Variants in ZNF609 observed in about 807,000 individuals in gnomAD.
The protein encoded by ZNF609 is zinc finger protein 609.
A neutral mutation model predicts 109.5 loss-of-function variants in ZNF609; 11 were observed. That is an observed-to-expected ratio of 0.10 (90% confidence interval 0.06 to 0.17). The LOEUF (loss-of-function observed/expected upper bound fraction) is 0.17, where lower values mean the gene tolerates loss of function less well. ZNF609 is among the 10% of genes least tolerant of loss of function. ZNF609 has a pLI of 1.00. For synonymous variants in ZNF609, 646 were observed against 662.0 expected (o/e 0.98, Z 0.37); for missense variants, 1,559 against 1,772.4 (o/e 0.88, Z 2.16).
chr15:64,583,537 A>G (rs891761826), intron 2 of ZNF609, among the ~76,000 whole-genome samples: 3 of 152,000 alleles, frequency 2.0e-5, no homozygotes, highest in Non-Finnish European at 4.4e-5. Context: ...GTCTTAGGCA[A>G]GTCATTTTTC....
intron 2 of ZNF609, among the ~76,000 whole-genome samples, chr15:64,552,695 G>C (rs1384454579): frequency 6.6e-6 from 1 of 152,038 alleles, no homozygotes; most frequent in Admixed American, 6.6e-5. Flanking sequence ...TGTGGCTCAG[G>C]CTGGAGTGCA....
At chr15:64,629,479 C>A (rs1896029578) in intron 3 of ZNF609, among the ~76,000 whole-genome samples, 1 of 152,174 alleles carries the variant, frequency 6.6e-6, no homozygotes, top group African/African-American at 2.4e-5. Flanking sequence ...ATCACTGTTT[C>A]AGGCTCCTTA....
intron 2 of ZNF609, among the ~76,000 whole-genome samples, chr15:64,553,271 A>C (rs1229517913): frequency 0.017 from 1,625 of 98,168 alleles, 24 homozygotes; most frequent in African/African-American, 0.061. Context: ...CCATGCCTTA[A>C]AAAAAAAAAA....
chr15:64,638,017 A>ATATATATATAT (rs1567036319), intron 3 of ZNF609, among the ~76,000 whole-genome samples: 9 of 88,232 alleles, frequency 1.0e-4, no homozygotes, highest in Non-Finnish European at 2.6e-5. Context: ...TATATATATA[A>ATATATATATAT]AATATATATA....
intron 2 of ZNF609, among the ~76,000 whole-genome samples, chr15:64,525,092 T>A (rs1367071514): frequency 6.6e-6 from 1 of 152,266 alleles, no homozygotes; most frequent in Non-Finnish European, 1.5e-5. Context: ...TCTTTTCATG[T>A]GCTTATGTGC....
At chr15:64,633,138 C>A (rs1014857926) in intron 3 of ZNF609, among the ~76,000 whole-genome samples, 6 of 148,670 alleles carry the variant, frequency 4.0e-5, no homozygotes, top group Admixed American at 6.7e-5. Flanking sequence ...AGAAGTGACA[C>A]GTTTTGTTTT....
At chr15:64,506,307 G>A (rs981954053) in intron 2 of ZNF609, among the ~76,000 whole-genome samples, 2 of 151,218 alleles carry the variant, frequency 1.3e-5, no homozygotes, top group African/African-American at 4.8e-5. Flanking sequence ...ATTTTTAGTA[G>A]AGACAGGGTT....
At chr15:64,493,681 A>T (rs1295422453) in intron 1 of ZNF609, among the ~76,000 whole-genome samples, 1 of 152,226 alleles carries the variant, frequency 6.6e-6, no homozygotes, top group Non-Finnish European at 1.5e-5. Flanking sequence ...ACTTAGGCAG[A>T]AGGAGAGAAA....
intron 2 of ZNF609, chr15:64,529,055 T>G (rs1413467095): frequency 7.6e-7 from 1 of 1,309,114 alleles, no homozygotes; most frequent in Non-Finnish European, 1.1e-6. Flanking sequence ...GAGACAGGGA[T>G]GATGTCCTGG....
chr15:64,521,309 C>T (rs1415873334), intron 2 of ZNF609, among the ~76,000 whole-genome samples: 1 of 152,180 alleles, frequency 6.6e-6, no homozygotes, highest in Non-Finnish European at 1.5e-5. Flanking sequence ...CTCATCCTGG[C>T]TCCAGAGTTG....
At chr15:64,584,732 G>T (rs1318808931) in intron 2 of ZNF609, among the ~76,000 whole-genome samples, 1 of 151,786 alleles carries the variant, frequency 6.6e-6, no homozygotes, top group African/African-American at 2.4e-5. Flanking sequence ...AAGTTCAAGT[G>T]ATTCTCCTGC....
chr15:64,607,576 C>T (rs1895624349), intron 2 of ZNF609, among the ~76,000 whole-genome samples: 1 of 147,226 alleles, frequency 6.8e-6, no homozygotes. Context: ...GCGATCTTGG[C>T]TCACTGCAAC....
intron 3 of ZNF609, chr15:64,654,146 T>C (rs1039886094): frequency 2.6e-5 from 4 of 152,344 alleles, no homozygotes; most frequent in African/African-American, 9.7e-5. Context: ...TTCAAGCGAT[T>C]CTCCTGCTTC....
chr15:64,487,728 G>A (rs536784209), intron 1 of ZNF609, among the ~76,000 whole-genome samples: 27 of 152,236 alleles, frequency 1.8e-4, no homozygotes, highest in Non-Finnish European at 3.4e-4. Context: ...CGCCTCCTGG[G>A]TTTAAGTGAT....
chr15:64,599,317 A>G (rs1359132502), intron 2 of ZNF609, among the ~76,000 whole-genome samples: 1 of 151,714 alleles, frequency 6.6e-6, no homozygotes, highest in Admixed American at 6.6e-5. Context: ...TCTTTCAGTG[A>G]TGGACTGTCA....
intron 4 of ZNF609, among the ~76,000 whole-genome samples, chr15:64,673,056 G>A (rs1896759377): frequency 6.6e-6 from 1 of 152,058 alleles, no homozygotes; most frequent in South Asian, 2.1e-4. Context: ...GAAACCTATT[G>A]GAAGGACTTA....
chr15:64,496,960 C>T (rs925114364), intron 1 of ZNF609, among the ~76,000 whole-genome samples: 1 of 152,170 alleles, frequency 6.6e-6, no homozygotes, highest in African/African-American at 2.4e-5. Context: ...GGGCTACAAG[C>T]ATTACCATCA....
At chr15:64,534,577 A>T (rs536264620) in intron 2 of ZNF609, among the ~76,000 whole-genome samples, 15 of 152,028 alleles carry the variant, frequency 9.9e-5, no homozygotes, top group Non-Finnish European at 2.9e-5. Flanking sequence ...GGCCTCCCAA[A>T]GTGCTGGGAT....
intron 2 of ZNF609, among the ~76,000 whole-genome samples, chr15:64,607,348 A>G (rs576555296): frequency 1.3e-5 from 2 of 152,104 alleles, no homozygotes; most frequent in African/African-American, 4.8e-5. Context: ...TATATATTCT[A>G]TGTAAGGCTG....
Sources: gnomAD v4.1 joint callset for allele counts (sites outside exome capture counted in the v4.1 genomes callset) on GRCh38, gnomAD v4.1.1 for gene constraint, MANE v1.5 for transcripts, NCBI Gene and HGNC (gene_info 2026-07-23, HGNC 2026-07-21) for gene names.